The following DLGAP1 variants were observed in gnomAD, a reference collection of about 807,000 sequenced individuals.
The protein encoded by DLGAP1 is disks large-associated protein 1.
DLGAP1 carries 11 observed loss-of-function variants against 90.8 expected under a neutral mutation model. The ratio of observed to expected loss-of-function variants is 0.12; its 90% confidence interval spans 0.08 to 0.20. DLGAP1 has a LOEUF of 0.20. Ranked by LOEUF, DLGAP1 falls within the 10% of genes least tolerant of loss-of-function variation. DLGAP1 has a pLI of 1.00. For synonymous variants in DLGAP1, 558 were observed against 540.7 expected (o/e 1.03, Z -0.44); for missense variants, 1,050 against 1,333.8 (o/e 0.79, Z 3.31).
intron 2 of DLGAP1, among the ~76,000 whole-genome samples, chr18:4,142,782 G>A (rs2076516267): frequency 6.6e-6 from 1 of 152,100 alleles, no homozygotes; most frequent in African/African-American, 2.4e-5. Flanking sequence ...TATGATCTAA[G>A]TTTTTCTGTC....
At chr18:4,240,419 A>G (rs974008791) in intron 1 of DLGAP1, among the ~76,000 whole-genome samples, 1 of 152,168 alleles carries the variant, frequency 6.6e-6, no homozygotes, top group African/African-American at 2.4e-5. Context: ...AGAAAATGAG[A>G]AAAAAGAAGA....
At chr18:4,251,712 AG>A (rs1164879085) in intron 1 of DLGAP1, among the ~76,000 whole-genome samples, 1 of 152,216 alleles carries the variant, frequency 6.6e-6, no homozygotes, top group African/African-American at 2.4e-5. Context: ...CTAAAGAAGC[AG>A]GGGGTGGTTC....
rs182023295 is a variant in DLGAP1 at position 3,683,229 on chromosome 18, A to C, written c.1591+45906T>G. Reference sequence around the variant, plus strand: ...CTGAGTGCTCTTACTGATCAGTTACAGAGAAGGAGCTGATGGTAGATGAAA... The same window carrying C: ...CTGAGTGCTCTTACTGATCAGTTACCGAGAAGGAGCTGATGGTAGATGAAA... On this transcript the variant is annotated intron_variant, in intron 7 of 12. Transcript: ENST00000315677. 6.2e-3 allele frequency among the ~76,000 whole-genome samples: 943 copies of C among 152,320 alleles called. 5 individuals carry two copies. The highest frequency in any genetic ancestry group is 7.8e-3 in the Non-Finnish European group (531 of 68,034).
At chr18:3,545,548 C>T (rs1375272964) in intron 9 of DLGAP1, among the ~76,000 whole-genome samples, 1 of 151,890 alleles carries the variant, frequency 6.6e-6, no homozygotes, top group Non-Finnish European at 1.5e-5. Flanking sequence ...CTATGAAAAA[C>T]CTACTTTAAA....
At chr18:3,767,802 T>C (rs1358206694) in intron 5 of DLGAP1, among the ~76,000 whole-genome samples, 1 of 152,132 alleles carries the variant, frequency 6.6e-6, no homozygotes, top group East Asian at 1.9e-4. Flanking sequence ...TAAAAAGATC[T>C]ACAGCTAATG....
chr18:3,507,410 G>A (rs936061511), intron 11 of DLGAP1, among the ~76,000 whole-genome samples: 5 of 151,738 alleles, frequency 3.3e-5, no homozygotes, highest in African/African-American at 4.8e-5. Context: ...CCAGCTACTC[G>A]GAGGCTGAGG....
intron 1 of DLGAP1, among the ~76,000 whole-genome samples, chr18:4,303,069 T>C (rs1397739597): frequency 1.3e-5 from 2 of 152,220 alleles, no homozygotes; most frequent in African/African-American, 2.4e-5. Flanking sequence ...GAACTTTCCC[T>C]GTTGACTGCT....
chr18:4,055,814 G>A (rs1291858483), intron 2 of DLGAP1, among the ~76,000 whole-genome samples: 1 of 152,090 alleles, frequency 6.6e-6, no homozygotes, highest in Non-Finnish European at 1.5e-5. Context: ...TAAGTGGGCT[G>A]CTATAAAAAT....
At chr18:4,249,110 A>G (rs1159537054) in intron 1 of DLGAP1, among the ~76,000 whole-genome samples, 1 of 151,922 alleles carries the variant, frequency 6.6e-6, no homozygotes, top group Non-Finnish European at 1.5e-5. Context: ...TCCCTGCTCT[A>G]TTTCTCTCCA....
chr18:4,085,072 C>T (rs2075663025), intron 2 of DLGAP1, among the ~76,000 whole-genome samples: 1 of 152,074 alleles, frequency 6.6e-6, no homozygotes, highest in African/African-American at 2.4e-5. Flanking sequence ...ATGGATTATT[C>T]TATATTATTT....
intron 1 of DLGAP1, among the ~76,000 whole-genome samples, chr18:4,181,974 G>A (rs1247466678): frequency 2.6e-5 from 4 of 152,166 alleles, no homozygotes; most frequent in Non-Finnish European, 5.9e-5. Context: ...AGATGATAGC[G>A]ATTTGCAGAT....
chr18:4,319,098 T>C (rs11081103), intron 1 of DLGAP1, among the ~76,000 whole-genome samples: 67,088 of 152,124 alleles, frequency 0.44, 17,511 homozygotes, highest in Non-Finnish European at 0.58. Context: ...CAAAGCATCA[T>C]GTTTCACACC....
At chr18:4,242,253 A>G (rs1359996875) in intron 1 of DLGAP1, among the ~76,000 whole-genome samples, 1 of 152,152 alleles carries the variant, frequency 6.6e-6, no homozygotes, top group African/African-American at 2.4e-5. Flanking sequence ...ACTATTCTCC[A>G]TATGACGAAC....
intron 5 of DLGAP1, among the ~76,000 whole-genome samples, chr18:3,779,429 T>C (rs1235388188): frequency 1.3e-5 from 2 of 152,146 alleles, no homozygotes; most frequent in Admixed American, 1.3e-4. Flanking sequence ...TTCCATTGCC[T>C]ACCAAATTAA....
At chr18:4,060,941 C>G (rs2075289526) in intron 2 of DLGAP1, among the ~76,000 whole-genome samples, 1 of 152,028 alleles carries the variant, frequency 6.6e-6, no homozygotes, top group Admixed American at 6.6e-5. Context: ...GTTATTAGGC[C>G]TACTAAATGC....
chr18:4,377,322 A>G (rs1429001094), intron 1 of DLGAP1, among the ~76,000 whole-genome samples: 2 of 152,204 alleles, frequency 1.3e-5, no homozygotes, highest in African/African-American at 2.4e-5. Context: ...AGTTCTGAAT[A>G]GAAAAGAACT....
At chr18:4,017,473 C>T (rs2074542071) in intron 2 of DLGAP1, among the ~76,000 whole-genome samples, 1 of 152,186 alleles carries the variant, frequency 6.6e-6, no homozygotes, top group South Asian at 2.1e-4. Flanking sequence ...AGTCTTTAAT[C>T]TTCTACCACA....
intron 7 of DLGAP1, chr18:3,721,558 C>G (rs180905444): frequency 6.6e-6 from 1 of 152,112 alleles, no homozygotes; most frequent in Admixed American, 6.5e-5. Flanking sequence ...GACAAACCAA[C>G]ATGAGAGGCC....
intron 9 of DLGAP1, among the ~76,000 whole-genome samples, chr18:3,556,651 T>C (rs2053768678): frequency 6.6e-6 from 1 of 152,202 alleles, no homozygotes; most frequent in South Asian, 2.1e-4. Flanking sequence ...TATTTATCCA[T>C]TGACCTACTA....
Sources: allele counts gnomAD v4.1 joint callset (sites outside exome capture counted in the v4.1 genomes callset), GRCh38; gene constraint gnomAD v4.1.1; transcripts MANE v1.5; gene names NCBI Gene and HGNC (gene_info 2026-07-23, HGNC 2026-07-21).